The following DDX59 variants were observed in gnomAD, a reference collection of about 807,000 sequenced individuals.
The protein encoded by DDX59 is DEAD-box helicase 59.
DDX59 carries 30 observed loss-of-function variants against 51.9 expected under a neutral mutation model. That is an observed-to-expected ratio of 0.58 (90% CI 0.43 to 0.78). The LOEUF is 0.78. Among genes scored for constraint, DDX59 ranks in the 30% least tolerant of loss-of-function variants. The probability of loss-of-function intolerance (pLI) is 0.00; values close to 1 mark genes in which losing one functional copy is unlikely to be tolerated. For missense variants in DDX59, 672 were observed against 730.8 expected (o/e 0.92, Z 0.93); for synonymous variants, 255 against 253.3 (o/e 1.01, Z -0.06).
At chr1:200,665,487 AAAAGAAAAAGAAAAAG>A (rs1206099863) in intron 2 of DDX59, among the ~76,000 whole-genome samples, 1 of 130,604 alleles carries the variant, frequency 7.7e-6, no homozygotes, top group East Asian at 2.1e-4. Flanking sequence ...CGGTCCCAAA[AAAAGAAAAAGAAAAAG>A]AAAAAAAAAG....
In DDX59 at chr1:200,646,407, C is replaced by T. The variant is rs141888537; in HGVS notation, c.1597-1890G>A. 3.0e-3 allele frequency among the ~76,000 whole-genome samples: 459 copies of T among 151,872 alleles called. 6 individuals carry two copies. In the Middle Eastern group the frequency reaches 0.048, roughly 16 times the overall value. On this transcript the variant is annotated intron_variant, in intron 7 of 7. Coordinates refer to ENST00000331314, the MANE Select transcript of DDX59 (RefSeq NM_001031725.6). ...CAAGTCTTCTAGAGTATACAAAGAA[C>T]TTTCACAACTCAAAAATAAAAACCC...
At chr1:200,655,188 A>G (rs1346365158) in intron 4 of DDX59, 1 of 152,176 alleles carries the variant, frequency 6.6e-6, no homozygotes, top group African/African-American at 2.4e-5. Context: ...TACTACCAAG[A>G]CCCAGATTTG....
At chr1:200,652,669 T>C (rs1661741951) in intron 4 of DDX59, among the ~76,000 whole-genome samples, 1 of 6,066 alleles carries the variant, frequency 1.6e-4, no homozygotes, top group African/African-American at 3.1e-4. Context: ...TAAAAAGCAT[T>C]TTTTTTTTTT....
At position 200,651,237 on chromosome 1, in the gene DDX59, T is replaced by C. The variant is rs564142856; in HGVS notation, c.1063-561A>G. ...AAACCATGAACACAGATTACATTTA[T>C]AATAAAATATTATTTTAAATAAAAG... is the stretch of plus-strand genomic sequence containing the variant. On this transcript the variant is annotated intron_variant, in intron 4 of 7. Coordinates refer to ENST00000331314, the MANE Select transcript of DDX59 (RefSeq NM_001031725.6). Among the ~76,000 whole-genome samples, 93 of 152,194 alleles carry C rather than the reference T, an allele frequency of 6.1e-4. 1 individual carries two copies. Among genetic ancestry groups the C allele is most frequent in the South Asian group, 4.6e-3 (22 of 4,814 alleles).
intron 4 of DDX59, among the ~76,000 whole-genome samples, chr1:200,658,752 A>G (rs1662190093): frequency 6.6e-6 from 1 of 152,184 alleles, no homozygotes; most frequent in Non-Finnish European, 1.5e-5. Context: ...GTAAGCATCA[A>G]ATGCTTAAAA....
intron 4 of DDX59, among the ~76,000 whole-genome samples, chr1:200,656,671 A>C (rs1273536825): frequency 6.6e-6 from 1 of 152,224 alleles, no homozygotes; most frequent in East Asian, 1.9e-4. Flanking sequence ...TGCTGAATGA[A>C]TACTTCCCTT....
intron 3 of DDX59, 110 bp from the exon 4 acceptor site, chr1:200,659,226 C>T: frequency 2.6e-6 from 2 of 764,630 alleles, no homozygotes; most frequent in Non-Finnish European, 4.4e-6. Flanking sequence ...GTTAAGCACC[C>T]AGAATTCAGT....
intron 2 of DDX59, 67 bp downstream of exon 2, chr1:200,665,870 T>C (rs1166356941): frequency 6.7e-7 from 1 of 1,482,794 alleles, no homozygotes. Flanking sequence ...TAGTTAAAAA[T>C]GAAACTTGGT....
chr1:200,641,396 CTA>C (rs377018692), downstream of DDX59: 14 of 110,596 alleles, frequency 1.3e-4, no homozygotes, highest in East Asian at 1.3e-3. Context: ...ACCAAAAAAA[CTA>C]AAAAAAAAAA....
intron 3 of DDX59, among the ~76,000 whole-genome samples, chr1:200,660,458 C>A (rs1662305398): frequency 6.6e-6 from 1 of 152,058 alleles, no homozygotes; most frequent in Non-Finnish European, 1.5e-5. Context: ...GGCGGCCCTG[C>A]ATGGGGTGCT....
At position 200,664,816 on chromosome 1, in the gene DDX59, C is replaced by T. The variant is rs574806390; in HGVS notation, c.805-730G>A. Among the ~76,000 whole-genome samples, 341 of 152,226 alleles carry T rather than the reference C, an allele frequency of 2.2e-3. 1 individual carries two copies. The highest frequency in any genetic ancestry group is 7.6e-3 in the African/African-American group (314 of 41,540). On this transcript the variant is annotated intron_variant, in intron 2 of 7. Transcript: ENST00000331314. ...TCAGCCTCCCGAGTAGCTGGGATTA[C>T]AGGCATGCGCCATCATGCCCGGCTA...
Sources: allele counts gnomAD v4.1 joint callset (sites outside exome capture counted in the v4.1 genomes callset), GRCh38; gene constraint gnomAD v4.1.1; transcripts MANE v1.5; gene names NCBI Gene and HGNC (gene_info 2026-07-23, HGNC 2026-07-21).